GRIK2: variants seen among roughly 807,000 people sequenced by gnomAD.
GRIK2 encodes glutamate ionotropic receptor kainate type subunit 2, also known as glutamate receptor ionotropic, kainate 2.
A neutral mutation model predicts 100.3 loss-of-function variants in GRIK2; 32 were observed. That is an observed-to-expected ratio of 0.32 (90% CI 0.24 to 0.43). GRIK2 has a LOEUF of 0.43. Ranked by LOEUF, GRIK2 falls within the 20% of genes least tolerant of loss-of-function variation. GRIK2 has a pLI of 1.00. For synonymous variants in GRIK2, 417 were observed against 389.4 expected, an observed-to-expected ratio of 1.07 and a Z score of -0.83; for missense variants, 843 against 1,114.9, an observed-to-expected ratio of 0.76 and a Z score of 3.47.
chr6:101,735,464 G>T (rs1775569882), intron 7 of GRIK2, among the ~76,000 whole-genome samples: 1 of 152,186 alleles, frequency 6.6e-6, no homozygotes, highest in Non-Finnish European at 1.5e-5. Flanking sequence ...TGGACTTACA[G>T]CTCTGCATGG....
At chr6:101,420,294 A>G (rs1290548122) in intron 2 of GRIK2, among the ~76,000 whole-genome samples, 2 of 152,170 alleles carry the variant, frequency 1.3e-5, no homozygotes, top group Non-Finnish European at 2.9e-5. Context: ...TTCCATGTAC[A>G]CTTTTGCTTG....
intron 8 of GRIK2, among the ~76,000 whole-genome samples, chr6:101,801,976 A>G (rs565133121): frequency 1.3e-5 from 2 of 151,926 alleles, no homozygotes; most frequent in South Asian, 2.1e-4. Context: ...TTCTAACTGT[A>G]TTTGCCAGTG....
At chr6:101,827,670 T>C (rs887623858) in intron 10 of GRIK2, among the ~76,000 whole-genome samples, 4 of 151,824 alleles carry the variant, frequency 2.6e-5, no homozygotes, top group African/African-American at 9.7e-5. Context: ...AAAGCAACAA[T>C]AGTACAAAAG....
intron 12 of GRIK2, among the ~76,000 whole-genome samples, chr6:101,921,284 T>TAGG (rs3054392): frequency 0.86 from 130,409 of 151,696 alleles, 56,158 homozygotes; most frequent in East Asian, 0.94. Flanking sequence ...AAAGAAAAAT[T>TAGG]AGTAAAAATT....
intron 11 of GRIK2, among the ~76,000 whole-genome samples, chr6:101,870,558 T>C (rs1785348080): frequency 6.6e-6 from 1 of 151,868 alleles, no homozygotes; most frequent in East Asian, 1.9e-4. Context: ...GCTTTACACG[T>C]AGTCAAGATG....
intron 14 of GRIK2, among the ~76,000 whole-genome samples, chr6:101,960,061 T>TTC (rs1287610584): frequency 8.0e-5 from 12 of 150,268 alleles, no homozygotes; most frequent in Non-Finnish European, 1.8e-4. Context: ...TTGTTTTTTT[T>TTC]TTTTTGTCTG....
rs1292981003 is a variant in GRIK2, at chr6:101,760,607, ATTATAT to A, written c.952-39037_952-39032del. On this transcript the variant is annotated intron_variant, in intron 7 of 16. Transcript: ENST00000369134. ...ATATAATTATATATAATTATATATA[ATTATAT>A]TTAATTATATGTTTAATTATATATA... Among the ~76,000 whole-genome samples, 4 of 91,686 alleles carry A rather than the reference ATTATAT, an allele frequency of 4.4e-5. 2 individuals carry two copies. In the East Asian group the frequency reaches 2.9e-3, roughly 66 times the overall value. 60.1% of individuals were successfully genotyped at this position (91,686 alleles called of 152,430 possible).
intron 2 of GRIK2, among the ~76,000 whole-genome samples, chr6:101,416,193 C>G (rs1026040728): frequency 6.6e-6 from 1 of 152,144 alleles, no homozygotes; most frequent in Admixed American, 6.5e-5. Context: ...GTTTGTCAAC[C>G]AGGAGCCTTG....
intron 2 of GRIK2, among the ~76,000 whole-genome samples, chr6:101,600,680 A>G (rs2128309877): frequency 6.6e-6 from 1 of 151,558 alleles, no homozygotes; most frequent in Non-Finnish European, 1.5e-5. Flanking sequence ...CTAATTGTAA[A>G]CGGGATTGCA....
At chr6:101,828,376 A>G (rs1047418104) in intron 10 of GRIK2, among the ~76,000 whole-genome samples, 3 of 151,984 alleles carry the variant, frequency 2.0e-5, no homozygotes, top group African/African-American at 2.4e-5. Flanking sequence ...GAACTAGAAA[A>G]ACAAGAACAA....
At chr6:102,020,905 C>G (rs1477808668) in intron 14 of GRIK2, among the ~76,000 whole-genome samples, 1 of 151,578 alleles carries the variant, frequency 6.6e-6, no homozygotes, top group African/African-American at 2.4e-5. Flanking sequence ...AACATTCAAG[C>G]AAATTTAAAA....
intron 4 of GRIK2, among the ~76,000 whole-genome samples, chr6:101,659,237 C>T (rs1769422362): frequency 6.6e-6 from 1 of 152,168 alleles, no homozygotes; most frequent in African/African-American, 2.4e-5. Flanking sequence ...ATATGACCAG[C>T]CAGTTTTCCC....
intron 11 of GRIK2, among the ~76,000 whole-genome samples, chr6:101,862,617 G>A (rs1171485046): frequency 6.6e-6 from 1 of 151,666 alleles, no homozygotes; most frequent in East Asian, 1.9e-4. Flanking sequence ...TAGATATGTG[G>A]TCTTGCTATG....
At chr6:101,587,486 GA>G (rs1778437356) in intron 2 of GRIK2, among the ~76,000 whole-genome samples, 1 of 152,034 alleles carries the variant, frequency 6.6e-6, no homozygotes, top group African/African-American at 2.4e-5. Context: ...AGGATTTCCA[GA>G]AGGAGCTGAG....
intron 2 of GRIK2, among the ~76,000 whole-genome samples, chr6:101,565,915 T>TTATATATATATATATATATGTGTATATA (rs71797313): frequency 1.6e-5 from 2 of 123,338 alleles, no homozygotes; most frequent in Non-Finnish European, 3.2e-5. Context: ...TATACCTATT[T>TTATATATATATATATATATGTGTATATA]TATATATATA....
chr6:101,730,391 C>T (rs1298438906), intron 7 of GRIK2, among the ~76,000 whole-genome samples: 2 of 151,892 alleles, frequency 1.3e-5, no homozygotes, highest in South Asian at 2.1e-4. Context: ...GGGATAGCCT[C>T]AAGAGTTCAA....
At chr6:101,408,986 G>A (rs1399175720) in intron 2 of GRIK2, among the ~76,000 whole-genome samples, 3 of 152,072 alleles carry the variant, frequency 2.0e-5, no homozygotes, top group African/African-American at 7.2e-5. Flanking sequence ...TAAGGAAAAT[G>A]CATTAGAGAA....
intron 2 of GRIK2, among the ~76,000 whole-genome samples, chr6:101,404,033 C>T (rs1306542611): frequency 1.3e-5 from 2 of 152,216 alleles, no homozygotes; most frequent in African/African-American, 4.8e-5. Context: ...TTTTTGTCTT[C>T]TAGAAATTGC....
chr6:101,940,663 T>C (rs1790902328), intron 14 of GRIK2, among the ~76,000 whole-genome samples: 1 of 152,124 alleles, frequency 6.6e-6, no homozygotes, highest in Non-Finnish European at 1.5e-5. Context: ...GTATTTTGTC[T>C]TATTTCCCTT....
Sources: allele counts gnomAD v4.1 joint callset (sites outside exome capture counted in the v4.1 genomes callset), GRCh38; gene constraint gnomAD v4.1.1; transcripts MANE v1.5; gene names NCBI Gene and HGNC (gene_info 2026-07-23, HGNC 2026-07-21).